The following TRPC6 variants were observed in gnomAD, a reference collection of about 807,000 sequenced individuals.
TRPC6 encodes transient receptor potential cation channel subfamily C member 6.
TRPC6 carries 55 observed loss-of-function variants against 90.7 expected under a neutral mutation model. That is an observed-to-expected ratio of 0.61 (90% CI 0.49 to 0.76). The LOEUF is 0.76. TRPC6 is among the 30% of genes least tolerant of loss of function. The probability of loss-of-function intolerance (pLI) is 0.00; values close to 1 mark genes in which losing one functional copy is unlikely to be tolerated. For missense variants in TRPC6, 989 were observed against 1,122.7 expected (o/e 0.88, Z 1.70); for synonymous variants, 393 against 393.0 (o/e 1.00, Z 0.00).
chr11:101,500,285 T>G (rs889501544), intron 2 of TRPC6, among the ~76,000 whole-genome samples: 1 of 150,312 alleles, frequency 6.7e-6, no homozygotes, highest in South Asian at 2.1e-4. Context: ...CTCAGTTCGC[T>G]GCAACCTCCG....
intron 3 of TRPC6, among the ~76,000 whole-genome samples, chr11:101,490,344 T>C (rs1203403368): frequency 6.6e-6 from 1 of 152,186 alleles, no homozygotes; most frequent in Non-Finnish European, 1.5e-5. Flanking sequence ...TTATTCTCCA[T>C]TCAGAACTGG....
Position 101,491,670 on chromosome 11 carries a change from GT to G in TRPC6, c.1013del (p.Asn338ThrfsTer9), listed in dbSNP as rs1329569716. 1 of 1,613,898 alleles carries G rather than the reference GT, an allele frequency of 6.2e-7. No homozygotes were observed. Among genetic ancestry groups the G allele is most frequent in the East Asian group, 2.2e-5 (1 of 44,846 alleles). On this transcript the variant is annotated frameshift_variant, in exon 3 of 13. Coordinates refer to ENST00000344327, the MANE Select transcript of TRPC6 (RefSeq NM_004621.6). LOFTEE classifies it high-confidence loss of function. ...FVVGLLDLCR[N>X]TEEVEAILNG... The stretch of plus-strand genomic sequence containing the variant: ...TCAGAATGGCCTCGACTTCTTCAGT[GT>G]TTCTGCACAGATCAAGGAGTCCAAC...
At chr11:101,562,908 C>T (rs1861745582) in intron 1 of TRPC6, among the ~76,000 whole-genome samples, 1 of 152,100 alleles carries the variant, frequency 6.6e-6, no homozygotes, top group Non-Finnish European at 1.5e-5. Flanking sequence ...ATGGGGCTGC[C>T]GTGAGGTATT....
chr11:101,534,106 G>A (rs1207844554), intron 1 of TRPC6, among the ~76,000 whole-genome samples: 1 of 151,918 alleles, frequency 6.6e-6, no homozygotes, highest in Admixed American at 6.6e-5. Context: ...ACTGGGCCCC[G>A]ATTCCTTCCT....
At chr11:101,551,981 A>T (rs1861460235) in intron 1 of TRPC6, among the ~76,000 whole-genome samples, 1 of 152,074 alleles carries the variant, frequency 6.6e-6, no homozygotes, top group Admixed American at 6.6e-5. Context: ...TACAAAAATA[A>T]GAATACACTA....
chr11:101,483,280 T>TTGGAA, intron 4 of TRPC6, 115 bp from the exon 5 acceptor site: 1 of 1,212,498 alleles, frequency 8.2e-7, no homozygotes, highest in Non-Finnish European at 1.2e-6. Context: ...CCTGAGATAA[T>TTGGAA]TGTTTATATT....
At chr11:101,545,312 A>T (rs1861276499) in intron 1 of TRPC6, among the ~76,000 whole-genome samples, 1 of 152,152 alleles carries the variant, frequency 6.6e-6, no homozygotes, top group South Asian at 2.1e-4. Context: ...TAATATAGAG[A>T]TTATTTATAG....
chr11:101,472,704 A>T (rs923231689), intron 7 of TRPC6, among the ~76,000 whole-genome samples: 1 of 152,184 alleles, frequency 6.6e-6, no homozygotes. Context: ...CCAATAGATA[A>T]TAATCATATA....
chr11:101,534,686 T>G (rs576908906), intron 1 of TRPC6, among the ~76,000 whole-genome samples: 16 of 152,340 alleles, frequency 1.1e-4, no homozygotes, highest in Admixed American at 9.8e-4. Flanking sequence ...GATACATATT[T>G]AGAAGTAGTG....
chr11:101,556,561 C>G (rs1336572597), intron 1 of TRPC6, among the ~76,000 whole-genome samples: 1 of 151,956 alleles, frequency 6.6e-6, no homozygotes, highest in Non-Finnish European at 1.5e-5. Flanking sequence ...AATAAATAAC[C>G]AATAATTAAA....
chr11:101,462,005 A>T (rs1262690874), intron 10 of TRPC6, among the ~76,000 whole-genome samples: 1 of 152,062 alleles, frequency 6.6e-6, no homozygotes, highest in Non-Finnish European at 1.5e-5. Context: ...GAGGAAACTC[A>T]CTTGGGGTCC....
chr11:101,498,742 A>ACAT (rs753957640), intron 2 of TRPC6, among the ~76,000 whole-genome samples: 47 of 152,288 alleles, frequency 3.1e-4, no homozygotes, highest in Non-Finnish European at 3.8e-4. Flanking sequence ...AAGTGGCTGT[A>ACAT]GAATATGGAT....
chr11:101,491,833 A>ATTGTT, intron 2 of TRPC6, 95 bp from the exon 3 acceptor site: 1 of 778,588 alleles, frequency 1.3e-6, no homozygotes, highest in Non-Finnish European at 1.8e-6. Flanking sequence ...TAAGAGAAAC[A>ATTGTT]TTCTTTTTTT....
intron 1 of TRPC6, among the ~76,000 whole-genome samples, chr11:101,528,334 C>T (rs779034296): frequency 4.6e-5 from 7 of 152,040 alleles, no homozygotes; most frequent in East Asian, 1.9e-4. Context: ...ATATGCAATA[C>T]GGGAAGAGTT....
At chr11:101,516,519 T>C (rs774416834) in intron 1 of TRPC6, among the ~76,000 whole-genome samples, 5 of 152,200 alleles carry the variant, frequency 3.3e-5, no homozygotes, top group Non-Finnish European at 7.4e-5. Flanking sequence ...TTATTTTTTA[T>C]AGCTTTTCCA....
intron 9 of TRPC6, among the ~76,000 whole-genome samples, chr11:101,470,330 G>T (rs960192257): frequency 1.3e-5 from 2 of 152,154 alleles, no homozygotes; most frequent in Non-Finnish European, 2.9e-5. Flanking sequence ...ATTAAAGATG[G>T]AAATTACAAA....
intron 4 of TRPC6, among the ~76,000 whole-genome samples, 165 bp from the exon 5 acceptor site, chr11:101,483,330 A>C (rs1032075312): frequency 1.3e-5 from 2 of 152,198 alleles, no homozygotes; most frequent in Admixed American, 1.3e-4. Context: ...ATGCTGTTAC[A>C]AAATTTTGTT....
intron 10 of TRPC6, among the ~76,000 whole-genome samples, chr11:101,460,664 A>G (rs1218616866): frequency 1.3e-5 from 2 of 152,208 alleles, no homozygotes; most frequent in South Asian, 2.1e-4. Flanking sequence ...GAAAAGAGCC[A>G]TAACCATCTC....
intron 7 of TRPC6, 62 bp from the exon 8 acceptor site, chr11:101,472,394 C>T: frequency 2.0e-6 from 3 of 1,493,444 alleles, no homozygotes; most frequent in Non-Finnish European, 2.7e-6. Context: ...ACAATATTAC[C>T]ATAATAAAAG....
Sources: gnomAD v4.1 joint callset for allele counts (sites outside exome capture counted in the v4.1 genomes callset) on GRCh38, gnomAD v4.1.1 for gene constraint, MANE v1.5 for transcripts, NCBI Gene and HGNC (gene_info 2026-07-23, HGNC 2026-07-21) for gene names.